CDH4: variants seen among roughly 807,000 people sequenced by gnomAD.
CDH4 encodes cadherin-4.
A neutral mutation model predicts 86.0 loss-of-function variants in CDH4; 33 were observed. That is an observed-to-expected ratio of 0.38 (90% CI 0.29 to 0.51). CDH4 has a LOEUF of 0.51. Ranked by LOEUF, CDH4 falls within the 20% of genes least tolerant of loss-of-function variation. CDH4 has a pLI of 0.86. For synonymous variants in CDH4, 555 were observed against 549.4 expected, an observed-to-expected ratio of 1.01 and a Z score of -0.14; for missense variants, 1,114 against 1,307.4, an observed-to-expected ratio of 0.85 and a Z score of 2.28.
intron 2 of CDH4, among the ~76,000 whole-genome samples, chr20:61,569,542 T>C (rs766826941): frequency 3.9e-4 from 60 of 152,208 alleles, no homozygotes; most frequent in Non-Finnish European, 6.2e-4. Flanking sequence ...TCACACCTGT[T>C]GCCCCTAGAT....
Position 61,429,162 on chromosome 20 carries a change from A to G in CDH4, c.169+174225A>G, listed in dbSNP as rs567104411. ...GCTCACTTTTCTCAGATACTGTTCT[A>G]AGTGCTCAGTAAAAATTAAGTCATT... On this transcript the variant is annotated intron_variant, in intron 2 of 15. Coordinates refer to ENST00000614565, the MANE Select transcript of CDH4 (RefSeq NM_001794.5). Among the ~76,000 whole-genome samples, 207 of 152,226 alleles carry G rather than the reference A, an allele frequency of 1.4e-3. 2 individuals are homozygous for G. The highest frequency in any genetic ancestry group is 4.3e-3 in the African/African-American group (177 of 41,546).
intron 2 of CDH4, among the ~76,000 whole-genome samples, chr20:61,601,674 CT>C (rs1436127925): frequency 3.3e-5 from 5 of 152,218 alleles, no homozygotes; most frequent in African/African-American, 1.2e-4. Flanking sequence ...CCTGTCTGGC[CT>C]TTCCCTGGTC....
At chr20:61,617,848 A>G (rs1408707404) in intron 2 of CDH4, among the ~76,000 whole-genome samples, 2 of 152,148 alleles carry the variant, frequency 1.3e-5, no homozygotes, top group Admixed American at 6.5e-5. Flanking sequence ...TAGCTCCCAT[A>G]ATTCCCACAT....
intron 2 of CDH4, among the ~76,000 whole-genome samples, chr20:61,586,219 A>G (rs1425426773): frequency 6.6e-6 from 1 of 151,358 alleles, no homozygotes; most frequent in Non-Finnish European, 1.5e-5. Context: ...TGATAATGAT[A>G]TTAATCATGA....
chr20:61,906,212 G>A (rs1377954122), intron 8 of CDH4, among the ~76,000 whole-genome samples: 1 of 152,272 alleles, frequency 6.6e-6, no homozygotes, highest in Admixed American at 6.5e-5. Flanking sequence ...GGACCAGATA[G>A]TATTTTCATC....
At chr20:61,426,582 G>A (rs1480063207) in intron 2 of CDH4, among the ~76,000 whole-genome samples, 3 of 152,202 alleles carry the variant, frequency 2.0e-5, no homozygotes, top group Admixed American at 6.5e-5. Context: ...ATGTGTGAGT[G>A]ACTCATAGCT....
At chr20:61,600,551 C>T (rs967996624) in intron 2 of CDH4, among the ~76,000 whole-genome samples, 2 of 152,286 alleles carry the variant, frequency 1.3e-5, no homozygotes, top group South Asian at 2.1e-4. Flanking sequence ...GCCCGCAACT[C>T]ACCCTGCGCA....
rs1980211049 is a variant in CDH4, at chr20:61,807,714, A to AC, written c.576+34532_576+34533insC. Among the ~76,000 whole-genome samples, 1 of 152,218 alleles carries AC rather than the reference A, an allele frequency of 6.6e-6. No individual in the cohort carries two copies. Among genetic ancestry groups the AC allele is most frequent in the African/African-American group, 2.4e-5 (1 of 41,466 alleles). On this transcript the variant is annotated intron_variant, in intron 4 of 15. Transcript: ENST00000614565. The surrounding 1 kb of genome is among the most constrained non-coding windows in gnomAD (Gnocchi z 4.5). ...CGGCTCTTCAGACTCAAACGGTGTGATGAACAAACCGACTCGGAAAATGCC... is the reference window on the plus strand; with the variant it reads ...CGGCTCTTCAGACTCAAACGGTGTGACTGAACAAACCGACTCGGAAAATGCC...
chr20:61,598,532 G>A (rs954631075), intron 2 of CDH4, among the ~76,000 whole-genome samples: 6 of 152,152 alleles, frequency 3.9e-5, no homozygotes, highest in Non-Finnish European at 8.8e-5. Context: ...CTGAGTGGCC[G>A]AAACAGGGAG....
At chr20:61,448,787 A>G (rs1037559050) in intron 2 of CDH4, among the ~76,000 whole-genome samples, 1 of 152,080 alleles carries the variant, frequency 6.6e-6, no homozygotes, top group African/African-American at 2.4e-5. Flanking sequence ...CGCGCATCTG[A>G]GGTTTTCTTT....
intron 2 of CDH4, among the ~76,000 whole-genome samples, chr20:61,529,317 A>G (rs570536141): frequency 6.6e-6 from 1 of 152,326 alleles, no homozygotes; most frequent in East Asian, 1.9e-4. Flanking sequence ...TAAATGGGGA[A>G]CTCATAATAA....
intron 6 of CDH4, among the ~76,000 whole-genome samples, chr20:61,865,024 G>A (rs935618517): frequency 3.9e-5 from 6 of 152,246 alleles, no homozygotes; most frequent in Non-Finnish European, 5.9e-5. Flanking sequence ...GAGTGGATTC[G>A]AGGCAGCCTC....
chr20:61,436,628 G>A (rs1025846288), intron 2 of CDH4: 5 of 152,354 alleles, frequency 3.3e-5, no homozygotes, highest in Non-Finnish European at 7.3e-5. Context: ...ACAAAGCTCT[G>A]CTGAGCTTCA....
chr20:61,456,575 G>A (rs1485750951), intron 2 of CDH4, among the ~76,000 whole-genome samples: 1 of 152,218 alleles, frequency 6.6e-6, no homozygotes, highest in Non-Finnish European at 1.5e-5. Context: ...GGTTGAAAGT[G>A]CTGGGGTCGG....
intron 2 of CDH4, among the ~76,000 whole-genome samples, chr20:61,273,192 G>A (rs1169256540): frequency 7.5e-6 from 1 of 132,776 alleles, no homozygotes. Context: ...CAGTTTGGGG[G>A]AGCACCATGC....
At chr20:61,458,230 G>A (rs1324640194) in intron 2 of CDH4, among the ~76,000 whole-genome samples, 2 of 151,516 alleles carry the variant, frequency 1.3e-5, no homozygotes, top group Admixed American at 6.6e-5. Context: ...TGATGGTGGT[G>A]GCAGTGATGG....
intron 2 of CDH4, among the ~76,000 whole-genome samples, chr20:61,491,963 T>C (rs1285300361): frequency 6.6e-6 from 1 of 152,190 alleles, no homozygotes; most frequent in Non-Finnish European, 1.5e-5. Context: ...GTGGTGCTGA[T>C]GTAAGTGGTG....
At chr20:61,448,543 C>A (rs1165409540) in intron 2 of CDH4, among the ~76,000 whole-genome samples, 1 of 152,042 alleles carries the variant, frequency 6.6e-6, no homozygotes, top group Non-Finnish European at 1.5e-5. Context: ...ACATTGTGCT[C>A]TCTGGGAAGA....
chr20:61,756,793 A>G (rs2088570166), intron 3 of CDH4, among the ~76,000 whole-genome samples: 1 of 152,128 alleles, frequency 6.6e-6, no homozygotes, highest in Admixed American at 6.5e-5. Flanking sequence ...AGGGGGCTAC[A>G]GGTCATCAGG....
Sources: allele counts gnomAD v4.1 joint callset (sites outside exome capture counted in the v4.1 genomes callset), GRCh38; gene constraint gnomAD v4.1.1; non-coding constraint Gnocchi (gnomAD v3.1); transcripts MANE v1.5; gene names NCBI Gene and HGNC (gene_info 2026-07-23, HGNC 2026-07-21).